The following HYDIN variants were observed in gnomAD, a reference collection of about 807,000 sequenced individuals.
HYDIN encodes axonemal central pair apparatus protein HYDIN.
A neutral mutation model predicts 403.9 loss-of-function variants in HYDIN; 132 were observed. That is an observed-to-expected ratio of 0.33 (90% CI 0.28 to 0.38). HYDIN has a LOEUF of 0.38. HYDIN is among the 10% of genes least tolerant of loss of function. The pLI is 1.00. For missense variants in HYDIN, 2,827 were observed against 5,009.5 expected (o/e 0.56, Z 13.15); for synonymous variants, 1,202 against 1,891.7 (o/e 0.64, Z 9.46).
At chr16:70,867,028 C>CAAAAA (rs34578135) in intron 66 of HYDIN, among the ~76,000 whole-genome samples, 1 of 92,948 alleles carries the variant, frequency 1.1e-5, no homozygotes, top group African/African-American at 4.1e-5. Flanking sequence ...CTGTCCCCCT[C>CAAAAA]AAAAAAAAAA....
At chr16:71,191,993 T>C (rs1310352005) in intron 1 of HYDIN, among the ~76,000 whole-genome samples, 1 of 152,202 alleles carries the variant, frequency 6.6e-6, no homozygotes, top group Non-Finnish European at 1.5e-5. Flanking sequence ...AAGCATTATA[T>C]GTTTTAGTTA....
At chr16:71,224,888 G>A (rs1323505590) in intron 1 of HYDIN, among the ~76,000 whole-genome samples, 1 of 152,178 alleles carries the variant, frequency 6.6e-6, no homozygotes, top group Non-Finnish European at 1.5e-5. Context: ...CAATGGACTA[G>A]AAGAACTAAA....
chr16:70,946,740 G>T (rs546627626), intron 41 of HYDIN, among the ~76,000 whole-genome samples: 2 of 152,200 alleles, frequency 1.3e-5, no homozygotes, highest in African/African-American at 4.8e-5. Context: ...TTGTGATAGA[G>T]AGATCTTGGA....
chr16:70,943,669 G>A, intron 42 of HYDIN, 143 bp downstream of exon 42: 1 of 1,181,232 alleles, frequency 8.5e-7, no homozygotes. Context: ...GTCGACAAGA[G>A]CTGTCAAAAA....
At position 70,837,715 on chromosome 16, in the gene HYDIN, A is replaced by C; in HGVS notation, c.13217T>G (p.Ile4406Ser). 8 of 1,613,916 alleles carry C rather than the reference A, an allele frequency of 5.0e-6. No homozygotes were observed. The highest frequency in any genetic ancestry group is 6.8e-6 in the Non-Finnish European group (8 of 1,179,844). The change falls in exon 77 of 86, where the codon ATC becomes AGC. Residue 4406 changes from isoleucine (I) to serine (S), a missense_variant. By Grantham distance (142) the Ile-to-Ser change is moderately radical (BLOSUM62 -2). Transcript: ENST00000393567. ...CTTCATTTTGGTACCCTTCCCTTTG[A>C]TTTCGACTGTTTGTTGTGAGAGCCC... is the stretch of plus-strand genomic sequence containing the variant. ...INGLSQQTVEIKGKGTKMKIL... is the reference protein window; with the variant it reads ...INGLSQQTVESKGKGTKMKIL...
intron 7 of HYDIN, among the ~76,000 whole-genome samples, chr16:71,144,691 T>C (rs1171497418): frequency 6.6e-6 from 1 of 151,852 alleles, no homozygotes; most frequent in East Asian, 1.9e-4. Context: ...CCTTAATTGC[T>C]AGAGCACTGG....
chr16:71,158,679 GTTT>G (rs10615981), intron 6 of HYDIN, among the ~76,000 whole-genome samples: 3 of 117,322 alleles, frequency 2.6e-5, no homozygotes, highest in African/African-American at 6.4e-5. Context: ...GAAAAAGATG[GTTT>G]TTTTTTTTTT....
rs2079801500 is a variant in HYDIN at position 71,003,799 on chromosome 16, A to C, written c.3645-11589T>G. ...AGGGGACAGGGCGAGACTCCATCTC[A>C]AAAAAAAAAAAAATGCAATTGAATT... On this transcript the variant is annotated intron_variant, in intron 23 of 85. Transcript: ENST00000393567. 2.1e-5 allele frequency among the ~76,000 whole-genome samples: 3 copies of C among 139,864 alleles called. No individual in the cohort carries two copies. The South Asian group carries it at 6.7e-4, about 31-fold the overall frequency. The allele number at this position is 139,864 out of a possible 152,430, so 91.8% of individuals were successfully genotyped here. A position where few individuals can be genotyped will look rare whatever the true frequency, so the allele number is the denominator to read the frequency against.
intron 81 of HYDIN, 100 bp downstream of exon 81, chr16:70,829,518 G>C: frequency 3.5e-6 from 3 of 858,664 alleles, no homozygotes; most frequent in Non-Finnish European, 5.7e-6. Context: ...ACAGGCATGA[G>C]CCACCACGCC....
chr16:70,934,260 G>A (rs2077435666), intron 45 of HYDIN, among the ~76,000 whole-genome samples: 1 of 152,124 alleles, frequency 6.6e-6, no homozygotes, highest in African/African-American at 2.4e-5. Context: ...GGCAAAGCCA[G>A]CAAGTGGAGA....
In HYDIN at chr16:71,098,199, C is replaced by CTTTTTT. The variant is rs1293436490; in HGVS notation, c.1328-4265_1328-4264insAAAAAA. Among the ~76,000 whole-genome samples, 2 of 133,082 alleles carry CTTTTTT rather than the reference C, an allele frequency of 1.5e-5. 1 individual carries two copies. Among genetic ancestry groups the CTTTTTT allele is most frequent in the Non-Finnish European group, 3.2e-5 (2 of 61,820 alleles). The allele number at this position is 133,082 out of a possible 152,430, so 87.3% of individuals were successfully genotyped here. ...TACTCTAAACTATAGATAAAACTTTCTTTCTTTTTTTTTTTTTTTTGAGAT... is the reference window on the plus strand; with the variant it reads ...TACTCTAAACTATAGATAAAACTTTCTTTTTTTTTCTTTTTTTTTTTTTTTTGAGAT... On this transcript the variant is annotated intron_variant, in intron 10 of 85. Transcript: ENST00000393567.
At chr16:71,173,631 A>G (rs529044687) in intron 5 of HYDIN, among the ~76,000 whole-genome samples, 1 of 152,242 alleles carries the variant, frequency 6.6e-6, no homozygotes, top group East Asian at 1.9e-4. Flanking sequence ...TTAACATTCT[A>G]TCATTCTGGT....
At chr16:70,841,639 T>C (rs2037830388) in intron 75 of HYDIN, among the ~76,000 whole-genome samples, 1 of 152,202 alleles carries the variant, frequency 6.6e-6, no homozygotes, top group Non-Finnish European at 1.5e-5. Flanking sequence ...AATGGACTAA[T>C]GCCATCACCG....
intron 10 of HYDIN, among the ~76,000 whole-genome samples, chr16:71,114,381 T>C (rs1356391156): frequency 6.7e-6 from 1 of 150,224 alleles, no homozygotes; most frequent in Non-Finnish European, 1.5e-5. Flanking sequence ...TTCTTTGCTG[T>C]CTTCTGTGTC....
chr16:70,809,662 G>A (rs1278180708), intron 85 of HYDIN, 121 bp downstream of exon 85: 5 of 795,914 alleles, frequency 6.3e-6, no homozygotes, highest in South Asian at 3.3e-5. Flanking sequence ...GTGTCACCAT[G>A]ACAACGAAGC....
chr16:71,092,763 T>C (rs2083150697), intron 11 of HYDIN, among the ~76,000 whole-genome samples: 1 of 135,632 alleles, frequency 7.4e-6, no homozygotes, highest in Non-Finnish European at 1.5e-5. Flanking sequence ...GTATTTTTAG[T>C]AGTGATTGAA....
chr16:71,082,437 T>C (rs900136420), intron 12 of HYDIN, among the ~76,000 whole-genome samples: 79 of 151,740 alleles, frequency 5.2e-4, no homozygotes, highest in African/African-American at 1.9e-3. Context: ...CTATTTCTCT[T>C]AGCAATTGAT....
chr16:70,882,792 G>C lies in HYDIN; in HGVS notation c.10083C>G (p.Phe3361Leu). 2 of 1,500,902 alleles carry C rather than the reference G, an allele frequency of 1.3e-6. No homozygotes were observed. The highest frequency in any genetic ancestry group is 1.9e-6 in the Non-Finnish European group (2 of 1,077,102). 93.0% of individuals were successfully genotyped at this position (1,500,902 alleles called of 1,614,324 possible). A position where few individuals can be genotyped will look rare whatever the true frequency, so the allele number is the denominator to read the frequency against. Residue 3361 changes from phenylalanine (F) to leucine (L), a missense_variant, in exon 60 of 86, where the codon TTC (phenylalanine) becomes TTG (leucine). By Grantham distance (22) the Phe-to-Leu change is conservative (BLOSUM62 0). Coordinates refer to ENST00000393567, the MANE Select transcript of HYDIN (RefSeq NM_001270974.2). ...ILQTIESGGLFVEDENKFIFC... is the reference protein window; with the variant it reads ...ILQTIESGGLLVEDENKFIFC... ...AGATGAACTTGTTCTCATCCTCGAC[G>C]AACAGCCCCCCGCTCTCTATGGTCT... is the stretch of plus-strand genomic sequence containing the variant.
chr16:70,934,079 A>AG (rs2077429679), intron 45 of HYDIN, among the ~76,000 whole-genome samples: 1 of 152,140 alleles, frequency 6.6e-6, no homozygotes, highest in Non-Finnish European at 1.5e-5. Flanking sequence ...GAGCGATCCA[A>AG]GGAGGGTACG....
Sources: gnomAD v4.1 joint callset for allele counts (sites outside exome capture counted in the v4.1 genomes callset) on GRCh38, gnomAD v4.1.1 for gene constraint, MANE v1.5 for transcripts, NCBI Gene and HGNC (gene_info 2026-07-23, HGNC 2026-07-21) for gene names.